Variants in SYNE1 observed in about 807,000 individuals in gnomAD.
SYNE1 encodes the protein nesprin-1.
Under a neutral mutation model 1,111.0 loss-of-function variants are expected in SYNE1, and 616 were observed. The ratio of observed to expected loss-of-function variants is 0.55; its 90% CI spans 0.52 to 0.59. The LOEUF (loss-of-function observed/expected upper bound fraction) is 0.59, where lower values mean the gene tolerates loss of function less well. Among genes scored for constraint, SYNE1 ranks in the 20% least tolerant of loss-of-function variants. SYNE1 has a pLI of 0.00. For missense variants in SYNE1, 10,006 were observed against 10,417.0 expected (o/e 0.96, Z 1.72); for synonymous variants, 3,855 against 3,825.8 (o/e 1.01, Z -0.28).
chr6:152,206,714 G>T (rs546845730), intron 125 of SYNE1, among the ~76,000 whole-genome samples: 28 of 152,300 alleles, frequency 1.8e-4, no homozygotes, highest in African/African-American at 6.3e-4. Flanking sequence ...AACTTCACCA[G>T]ATTAAGAAGG....
chr6:152,394,958 T>C (rs964758992), intron 51 of SYNE1, among the ~76,000 whole-genome samples: 4 of 151,964 alleles, frequency 2.6e-5, no homozygotes, highest in Admixed American at 2.6e-4. Context: ...AATTTTTGTA[T>C]TTTTAGTAGA....
chr6:152,602,227 G>T (rs1391642577), intron 3 of SYNE1, among the ~76,000 whole-genome samples: 1 of 152,094 alleles, frequency 6.6e-6, no homozygotes, highest in Non-Finnish European at 1.5e-5. Flanking sequence ...AGAGATAAAA[G>T]TCTTTCAAGT....
At position 152,404,116 on chromosome 6, in the gene SYNE1, T is replaced by TAC. The variant is rs1554635551; in HGVS notation, c.6825+95_6825+96dup. On this transcript the variant is annotated intron_variant, in intron 46 of 145. Transcript: ENST00000367255. ...TATAGATATATGAGATATATATATATACACACACACACACACACACAGAGA... is the reference window on the plus strand; with the variant it reads ...TATAGATATATGAGATATATATATATACACACACACACACACACACACAGAGA... 3.3e-3 allele frequency: 2,026 copies of TAC among 614,312 alleles called. 2 individuals carry two copies. Among genetic ancestry groups the TAC allele is most frequent in the African/African-American group, 6.1e-3 (321 of 52,994 alleles). The allele number at this position is 614,312 out of a possible 1,614,324, so 38.1% of individuals were successfully genotyped here.
At chr6:152,407,994 C>A in intron 44 of SYNE1, among the ~76,000 whole-genome samples, 1 of 151,898 alleles carries the variant, frequency 6.6e-6, no homozygotes, top group Non-Finnish European at 1.5e-5. Context: ...AACTCCTGAC[C>A]TGAAGTGATC....
At chr6:152,124,874 G>A (rs552505932) in intron 145 of SYNE1, among the ~76,000 whole-genome samples, 29 of 152,294 alleles carry the variant, frequency 1.9e-4, no homozygotes, top group African/African-American at 7.0e-4. Context: ...AGTAGCTAAG[G>A]ACAGTTCATG....
chr6:152,294,063 G>C lies in SYNE1; in HGVS notation c.17747C>G (p.Pro5916Arg). The C allele has an allele frequency of 2.5e-6, 4 of 1,613,958 alleles. No individual in the cohort carries two copies. ...RLQTDAAKIH[P>R]STSASQEFYE... ...GAACTCCTGGGATGCGGATGTGCTG[G>C]GGTGAATTTTTGCAGCATCTGTCTG... The change falls in exon 94 of 146, where the codon CCC (proline) becomes CGC (arginine). Residue 5916 changes from proline (P) to arginine (R), a missense_variant. Physicochemically the swap from Pro to Arg is moderately radical, Grantham distance 103 (BLOSUM62 -2). This residue lies in a region of SYNE1 where 4,955 missense variants were observed against 5,017.2 expected (regional missense o/e 0.99). Coordinates refer to ENST00000367255, the MANE Select transcript of SYNE1 (RefSeq NM_182961.4).
chr6:152,385,266 T>C (rs2097507089), intron 55 of SYNE1, among the ~76,000 whole-genome samples: 1 of 152,192 alleles, frequency 6.6e-6, no homozygotes, highest in South Asian at 2.1e-4. Flanking sequence ...TTCTATTATG[T>C]TGTTGGATGT....
Position 152,331,497 on chromosome 6 carries a change from G to C in SYNE1, c.13188C>G (p.Ala4396=). Residue 4396 remains alanine, a synonymous_variant, in exon 78 of 146, where the codon GCC becomes GCG. Transcript: ENST00000367255. The stretch of plus-strand genomic sequence containing the variant: ...TAAGCGATTTCAGGAGCATCTGCTT[G>C]GCCTCCAGTTCACTGCAGATGGCCA... ...DHLAICSELE[A]KQMLLKSLIK... 1.2e-6 allele frequency: 2 copies of C among 1,614,032 alleles called. No individual in the cohort carries two copies. Among genetic ancestry groups the C allele is most frequent in the Non-Finnish European group, 8.5e-7 (1 of 1,179,978 alleles).
At position 152,395,571 on chromosome 6, in the gene SYNE1, TCTC is replaced by T; in HGVS notation, c.7654_7656del (p.Glu2552del). On this transcript the variant is annotated inframe_deletion, in exon 51 of 146. Transcript: ENST00000367255. The stretch of plus-strand genomic sequence containing the variant: ...TCAACTTTATGAACTTCATTTTTCT[TCTC>T]AGGAATGTGCTGTTTACTCTCTCCC... The T allele has an allele frequency of 6.2e-7, 1 of 1,614,180 alleles. No individual in the cohort carries two copies. The highest frequency in any genetic ancestry group is 8.5e-7 in the Non-Finnish European group (1 of 1,180,016).
In SYNE1 at chr6:152,122,064, T is replaced by C. The variant is rs1282204184; in HGVS notation, c.*372A>G. 4 of 313,756 alleles carry C rather than the reference T, an allele frequency of 1.3e-5. No homozygotes were observed. Among genetic ancestry groups the C allele is most frequent in the Admixed American group, 4.5e-5 (1 of 22,178 alleles). The allele number at this position is 313,756 out of a possible 1,614,324, so 19.4% of individuals were successfully genotyped here. ...CTTGGGAGGGTCATTTATCTGATGG[T>C]TGGAGCAGCACCATGGGAAAGCTGC... On this transcript the variant is annotated 3_prime_UTR_variant, in exon 146 of 146. Transcript: ENST00000367255.
chr6:152,161,351 AAAATAACTG>A (rs1315333900), intron 131 of SYNE1, among the ~76,000 whole-genome samples: 1 of 150,116 alleles, frequency 6.7e-6, no homozygotes, highest in African/African-American at 2.4e-5. Flanking sequence ...GGACTTTTAC[AAAATAACTG>A]AATTGGATTT....
At chr6:152,196,417 C>T (rs2074130334) in intron 127 of SYNE1, among the ~76,000 whole-genome samples, 1 of 152,100 alleles carries the variant, frequency 6.6e-6, no homozygotes, top group African/African-American at 2.4e-5. Context: ...GTCTCCGAAT[C>T]TGACCCAAGG....
intron 16 of SYNE1, among the ~76,000 whole-genome samples, chr6:152,466,555 T>C (rs756237560): frequency 1.3e-5 from 2 of 152,040 alleles, no homozygotes; most frequent in Non-Finnish European, 2.9e-5. Context: ...AGTAGAAAAA[T>C]TGGAAATAAT....
chr6:152,458,576 C>T (rs1370147428), intron 22 of SYNE1, among the ~76,000 whole-genome samples, 181 bp downstream of exon 22: 5 of 152,076 alleles, frequency 3.3e-5, no homozygotes, highest in African/African-American at 1.2e-4. Context: ...TCACATAGCC[C>T]CTGCACTGAC....
intron 117 of SYNE1, 140 bp downstream of exon 117, chr6:152,224,354 A>T (rs2080960886): frequency 1.1e-6 from 1 of 877,790 alleles, no homozygotes; most frequent in East Asian, 2.7e-5. Flanking sequence ...AACACAGGTA[A>T]AATTAATTTT....
chr6:152,186,946 T>A (rs532383758), intron 128 of SYNE1, among the ~76,000 whole-genome samples: 1 of 152,210 alleles, frequency 6.6e-6, no homozygotes, highest in Non-Finnish European at 1.5e-5. Flanking sequence ...CATGATAAAG[T>A]CTTTACATTG....
At chr6:152,423,130 A>C (rs747833012) in intron 39 of SYNE1, among the ~76,000 whole-genome samples, 2 of 152,302 alleles carry the variant, frequency 1.3e-5, no homozygotes, top group East Asian at 3.9e-4. Context: ...TTTGAGGGCT[A>C]TACCTGTGAG....
At position 152,331,516 on chromosome 6, in the gene SYNE1, A is replaced by G. The variant is rs751275918; in HGVS notation, c.13169T>C (p.Ile4390Thr). 1 of 1,614,104 alleles carries G rather than the reference A, an allele frequency of 6.2e-7. No homozygotes were observed. The highest frequency in any genetic ancestry group is 8.5e-7 in the Non-Finnish European group (1 of 1,180,008). Reference protein sequence around the residue: ...AQNLLMDHLAICSELEAKQML... With the variant: ...AQNLLMDHLATCSELEAKQML... ...CTGCTTGGCCTCCAGTTCACTGCAG[A>G]TGGCCAGGTGATCCATGAGAAGGTT... The change falls in exon 78 of 146, where the codon ATC becomes ACC. Residue 4390 changes from isoleucine to threonine, a missense_variant. By Grantham distance (89) the Ile-to-Thr change is moderately conservative. Around this residue, in one of 7 missense-constraint regions of SYNE1, gnomAD observed 4,955 missense variants for 5,017.2 expected, o/e 0.99. Coordinates refer to ENST00000367255, the MANE Select transcript of SYNE1 (RefSeq NM_182961.4).
chr6:152,608,226 T>G (rs2099621692), intron 3 of SYNE1, among the ~76,000 whole-genome samples: 1 of 152,220 alleles, frequency 6.6e-6, no homozygotes, highest in Non-Finnish European at 1.5e-5. Context: ...CTCTCTTGCT[T>G]GCTTGCTCTC....
Sources: gnomAD v4.1 joint callset for allele counts (sites outside exome capture counted in the v4.1 genomes callset) on GRCh38, gnomAD v4.1.1 for gene constraint, gnomAD v4.1.1 regional missense constraint, MANE v1.5 for transcripts, NCBI Gene and HGNC (gene_info 2026-07-23, HGNC 2026-07-21) for gene names.